ADAM22: variants seen among roughly 807,000 people sequenced by gnomAD.
ADAM22 encodes disintegrin and metalloproteinase domain-containing protein 22.
Under a neutral mutation model 144.6 loss-of-function variants are expected in ADAM22, and 65 were observed. The ratio of observed to expected loss-of-function variants is 0.45; its 90% confidence interval spans 0.37 to 0.55. ADAM22 has a LOEUF of 0.55. Ranked by LOEUF, ADAM22 falls within the 20% of genes least tolerant of loss-of-function variation. The probability of loss-of-function intolerance (pLI) is 0.00; values close to 1 mark genes in which losing one functional copy is unlikely to be tolerated. For missense variants in ADAM22, 974 were observed against 1,184.9 expected, an observed-to-expected ratio of 0.82 and a Z score of 2.61; for synonymous variants, 391 against 412.6, an observed-to-expected ratio of 0.95 and a Z score of 0.63.
intron 3 of ADAM22, among the ~76,000 whole-genome samples, chr7:88,017,389 G>A (rs1796767938): frequency 6.6e-6 from 1 of 152,066 alleles, no homozygotes; most frequent in African/African-American, 2.4e-5. Flanking sequence ...CCATAAATAT[G>A]TATAATTATT....
chr7:88,030,996 G>C (rs1800121826), intron 3 of ADAM22, among the ~76,000 whole-genome samples: 1 of 152,014 alleles, frequency 6.6e-6, no homozygotes, highest in South Asian at 2.1e-4. Context: ...GGCACCTGTA[G>C]TCCCAGCTAC....
At chr7:88,095,688 ATCGTGAAATGT>A (rs770399641) in intron 4 of ADAM22, among the ~76,000 whole-genome samples, 28 of 152,132 alleles carry the variant, frequency 1.8e-4, no homozygotes, top group Non-Finnish European at 3.2e-4. Flanking sequence ...AATCTCTATA[ATCGTGAAATGT>A]TTTAAACATG....
Position 88,186,671 on chromosome 7 carries a change from T to A in ADAM22, c.2720T>A (p.Val907Glu), listed in dbSNP as rs771076571. 3 of 1,611,622 alleles carry A rather than the reference T, an allele frequency of 1.9e-6. No individual in the cohort carries two copies. The highest frequency in any genetic ancestry group is 2.5e-6 in the Non-Finnish European group (3 of 1,177,790). ...AATGTAGCTAAGTGGGTAGAAGATG[T>A]GAATAAAAACACTGAAGGACCATAC... Reference protein sequence around the residue: ...DYNVAKWVEDVNKNTEGPYFR... With the variant: ...DYNVAKWVEDENKNTEGPYFR... Residue 907 changes from valine to glutamate, a missense_variant, in exon 30 of 32, where the codon GTG becomes GAG. Val to Glu is a moderately radical substitution (Grantham distance 121). Transcript: ENST00000413139.
chr7:88,116,873 G>A (rs1294016394), intron 7 of ADAM22, 59 bp downstream of exon 7: 1 of 1,241,460 alleles, frequency 8.1e-7, no homozygotes, highest in Non-Finnish European at 1.2e-6. Context: ...TTTATTTAAT[G>A]CCTTAGAACT....
intron 4 of ADAM22, among the ~76,000 whole-genome samples, chr7:88,087,049 T>C (rs759300594): frequency 3.9e-5 from 6 of 152,124 alleles, no homozygotes; most frequent in Non-Finnish European, 7.4e-5. Context: ...AGAGAAGATA[T>C]ACAACTTGTG....
chr7:88,075,850 AACTTT>A (rs1341314886), intron 4 of ADAM22, among the ~76,000 whole-genome samples, 158 bp downstream of exon 4: 2 of 152,196 alleles, frequency 1.3e-5, no homozygotes, highest in Non-Finnish European at 1.5e-5. Flanking sequence ...GGAAAAATGA[AACTTT>A]ACTTTTAGTT....
At chr7:88,113,258 G>A (rs534710009) in intron 5 of ADAM22, among the ~76,000 whole-genome samples, 13 of 148,822 alleles carry the variant, frequency 8.7e-5, no homozygotes, top group East Asian at 2.0e-4. Context: ...TCTGTTTTAC[G>A]TACTTTGTTT....
chr7:87,992,388 A>G (rs551729659), intron 3 of ADAM22, among the ~76,000 whole-genome samples: 1 of 152,318 alleles, frequency 6.6e-6, no homozygotes, highest in South Asian at 2.1e-4. Flanking sequence ...TAATGACTGC[A>G]CTAACAAAGG....
At chr7:88,022,660 T>G (rs1488553506) in intron 3 of ADAM22, among the ~76,000 whole-genome samples, 2 of 152,166 alleles carry the variant, frequency 1.3e-5, no homozygotes, top group Non-Finnish European at 2.9e-5. Flanking sequence ...GTAGAGTTCG[T>G]GAATTAAACT....
intron 4 of ADAM22, among the ~76,000 whole-genome samples, chr7:88,084,139 G>GCAGACAGCTCTCTGCTGTCTCTACAGT (rs1329757592): frequency 2.9e-4 from 44 of 152,274 alleles, no homozygotes; most frequent in Non-Finnish European, 5.7e-4. Flanking sequence ...GGTGGACCCA[G>GCAGACAGCTCTCTGCTGTCTCTACAGT]CAGACAGCTC....
intron 3 of ADAM22, among the ~76,000 whole-genome samples, chr7:87,997,468 C>T (rs917095769): frequency 6.6e-6 from 1 of 152,252 alleles, no homozygotes; most frequent in African/African-American, 2.4e-5. Context: ...TAGAGTCTCA[C>T]AGGCCTAAGT....
chr7:87,991,696 A>G (rs1304493784), intron 3 of ADAM22, among the ~76,000 whole-genome samples: 1 of 152,184 alleles, frequency 6.6e-6, no homozygotes, highest in African/African-American at 2.4e-5. Context: ...GTATTGAACC[A>G]ACACACAAAT....
intron 3 of ADAM22, among the ~76,000 whole-genome samples, chr7:88,009,590 C>G (rs1232368977): frequency 7.5e-6 from 1 of 132,504 alleles, no homozygotes; most frequent in Non-Finnish European, 1.6e-5. Flanking sequence ...ACCAAATATG[C>G]TATTCTAATA....
intron 25 of ADAM22, 197 bp downstream of exon 25, chr7:88,168,424 A>C (rs1554514243): frequency 1.6e-6 from 1 of 628,464 alleles, no homozygotes; most frequent in South Asian, 1.5e-5. Context: ...TTTTGAGACA[A>C]CTTCCTTCTA....
chr7:87,953,832 T>G (rs1028696388), intron 2 of ADAM22, among the ~76,000 whole-genome samples: 1 of 152,238 alleles, frequency 6.6e-6, no homozygotes, highest in African/African-American at 2.4e-5. Flanking sequence ...GCTCCTGTTT[T>G]GGGTGCATAT....
intron 4 of ADAM22, among the ~76,000 whole-genome samples, chr7:88,107,147 C>A (rs1824606232): frequency 1.4e-5 from 2 of 144,234 alleles, no homozygotes; most frequent in Non-Finnish European, 3.0e-5. Flanking sequence ...TTCATTTTTA[C>A]TTAGTTTTAT....
intron 3 of ADAM22, among the ~76,000 whole-genome samples, chr7:88,029,477 G>C (rs978295708): frequency 6.6e-6 from 1 of 152,006 alleles, no homozygotes; most frequent in African/African-American, 2.4e-5. Context: ...TCATCTTTTT[G>C]TCTTTCTGTG....
intron 12 of ADAM22, among the ~76,000 whole-genome samples, chr7:88,133,320 G>A (rs139752327): frequency 0.02 from 2,998 of 151,520 alleles, 22 homozygotes; most frequent in Non-Finnish European, 0.029. Context: ...CCCAGATTGC[G>A]CCACTGCACT....
intron 5 of ADAM22, among the ~76,000 whole-genome samples, chr7:88,111,776 C>G (rs1282877097): frequency 6.6e-6 from 1 of 152,002 alleles, no homozygotes; most frequent in Non-Finnish European, 1.5e-5. Flanking sequence ...TTTCAGTTCT[C>G]AAAGCATATA....
Sources: gnomAD v4.1 joint callset for allele counts (sites outside exome capture counted in the v4.1 genomes callset) on GRCh38, gnomAD v4.1.1 for gene constraint, MANE v1.5 for transcripts, NCBI Gene and HGNC (gene_info 2026-07-23, HGNC 2026-07-21) for gene names.